SEPTIN2: variants seen among roughly 807,000 people sequenced by gnomAD.
SEPTIN2 encodes septin 2.
In SEPTIN2, 34 loss-of-function variants were observed where a neutral mutation model predicts 46.5. The ratio of observed to expected loss-of-function variants is 0.73; its 90% CI spans 0.56 to 0.97. The LOEUF is 0.97. SEPTIN2 is among the 50% of genes least tolerant of loss of function. The pLI is 0.00. For synonymous variants in SEPTIN2, 175 were observed against 153.4 expected (o/e 1.14, Z -1.04); for missense variants, 347 against 448.4 (o/e 0.77, Z 2.04).
At chr2:241,342,869 G>A (rs1359231165) in intron 7 of SEPTIN2, 123 bp from the exon 8 acceptor site, 10 of 625,122 alleles carry the variant, frequency 1.6e-5, no homozygotes, top group Middle Eastern at 4.3e-4. Flanking sequence ...AGTAACTTTC[G>A]TCATCAGTTT....
intron 7 of SEPTIN2, among the ~76,000 whole-genome samples, chr2:241,338,667 A>G (rs866511814): frequency 4.8e-5 from 6 of 125,276 alleles, no homozygotes; most frequent in African/African-American, 1.5e-4. Context: ...TATTATATCT[A>G]TATTATTTAT....
intron 7 of SEPTIN2, among the ~76,000 whole-genome samples, chr2:241,338,638 A>G (rs1327652954): frequency 7.7e-6 from 1 of 130,648 alleles, no homozygotes; most frequent in Non-Finnish European, 1.6e-5. Flanking sequence ...ATAAATATAT[A>G]TAATATATAT....
chr2:241,342,148 A>G (rs1359986953), intron 7 of SEPTIN2, among the ~76,000 whole-genome samples: 2 of 152,108 alleles, frequency 1.3e-5, no homozygotes, highest in African/African-American at 2.4e-5. Flanking sequence ...TCCTTATCCA[A>G]CTGGATGTCT....
intron 1 of SEPTIN2, chr2:241,316,282 G>C (rs2076224449): frequency 2.4e-6 from 1 of 411,780 alleles, no homozygotes; most frequent in Non-Finnish European, 4.4e-6. Context: ...CACTGTCGTC[G>C]GTGCTGGGCC....
intron 9 of SEPTIN2, among the ~76,000 whole-genome samples, chr2:241,345,548 T>C (rs1473778526): frequency 2.6e-5 from 4 of 152,192 alleles, no homozygotes; most frequent in Admixed American, 1.3e-4. Flanking sequence ...CGTGTTACAA[T>C]GTTTGCTCAT....
At chr2:241,344,231 G>A (rs1454593223) in intron 9 of SEPTIN2, among the ~76,000 whole-genome samples, 3 of 152,076 alleles carry the variant, frequency 2.0e-5, no homozygotes, top group Non-Finnish European at 2.9e-5. Flanking sequence ...CCCAGTGCTG[G>A]TAAGGAAACA....
chr2:241,332,076 G>GATTTAAATGTAAAGCTATAAAATTA (rs1228256040), intron 3 of SEPTIN2, among the ~76,000 whole-genome samples: 1 of 152,162 alleles, frequency 6.6e-6, no homozygotes, highest in Non-Finnish European at 1.5e-5. Flanking sequence ...TGAAATTATA[G>GATTTAAATGTAAAGCTATAAAATTA]TAGATTTAAA....
intron 5 of SEPTIN2, 148 bp downstream of exon 5, chr2:241,336,246 T>C: frequency 1.1e-6 from 1 of 884,382 alleles, no homozygotes; most frequent in Non-Finnish European, 1.7e-6. Flanking sequence ...AATGTTGACT[T>C]TTTAAATAAG....
chr2:241,339,205 C>CCA (rs2080909157), intron 7 of SEPTIN2, among the ~76,000 whole-genome samples: 1 of 150,466 alleles, frequency 6.6e-6, no homozygotes, highest in Admixed American at 6.7e-5. Context: ...ACCAGCCTGG[C>CCA]CAACATGGCA....
chr2:241,316,678 GC>G, intron 1 of SEPTIN2: 1 of 611,628 alleles, frequency 1.6e-6, no homozygotes, highest in Non-Finnish European at 2.6e-6. Flanking sequence ...TGGCCTACTG[GC>G]CCAGACAAAC....
intron 3 of SEPTIN2, among the ~76,000 whole-genome samples, chr2:241,327,780 G>A (rs1259610091): frequency 6.6e-6 from 1 of 152,054 alleles, no homozygotes; most frequent in African/African-American, 2.4e-5. Context: ...GCCTGGTGTG[G>A]TGGCTCATGC....
intron 10 of SEPTIN2, among the ~76,000 whole-genome samples, chr2:241,347,485 C>T (rs2060362984): frequency 6.6e-6 from 1 of 152,146 alleles, no homozygotes; most frequent in Admixed American, 6.5e-5. Flanking sequence ...GCTTGGGGAG[C>T]TTACCCTTTG....
intron 1 of SEPTIN2, 166 bp from the exon 2 acceptor site, chr2:241,324,050 C>T: frequency 1.7e-6 from 1 of 595,102 alleles, no homozygotes; most frequent in Non-Finnish European, 3.0e-6. Flanking sequence ...TAACTTTTCC[C>T]TTTGGCCTAA....
chr2:241,340,425 A>G (rs2081098386), intron 7 of SEPTIN2, among the ~76,000 whole-genome samples: 2 of 152,136 alleles, frequency 1.3e-5, no homozygotes. Flanking sequence ...GCTTTTTTCC[A>G]AAGCAATTTT....
intron 5 of SEPTIN2, 153 bp downstream of exon 5, chr2:241,336,251 A>AATAAGGAAT (rs1276471147): frequency 4.7e-6 from 4 of 843,510 alleles, no homozygotes; most frequent in Non-Finnish European, 5.4e-6. Flanking sequence ...TGACTTTTTA[A>AATAAGGAAT]ATAAGGAATT....
intron 6 of SEPTIN2, 72 bp from the exon 7 acceptor site, chr2:241,337,600 TA>T: frequency 2.5e-6 from 4 of 1,579,652 alleles, no homozygotes; most frequent in Admixed American, 1.8e-5. Context: ...ATATAAGAAT[TA>T]AGATAATTTG....
chr2:241,321,074 A>G (rs1387632582), intron 1 of SEPTIN2, among the ~76,000 whole-genome samples: 2 of 152,144 alleles, frequency 1.3e-5, no homozygotes, highest in Non-Finnish European at 2.9e-5. Flanking sequence ...ATGTTTTTCA[A>G]ATTTTGTTTA....
chr2:241,338,709 TA>T (rs2080537044), intron 7 of SEPTIN2, among the ~76,000 whole-genome samples: 13 of 107,272 alleles, frequency 1.2e-4, no homozygotes, highest in Middle Eastern at 0.01. Flanking sequence ...ATATTTATAT[TA>T]TTTATATAAT....
At chr2:241,348,231 T>G (rs375932921) in intron 11 of SEPTIN2, 40 bp downstream of exon 11, 77 of 1,562,742 alleles carry the variant, frequency 4.9e-5, no homozygotes, top group South Asian at 4.4e-4. Flanking sequence ...GTTGGTTGGT[T>G]GTTTTGTTTG....
Sources: allele counts gnomAD v4.1 joint callset (sites outside exome capture counted in the v4.1 genomes callset), GRCh38; gene constraint gnomAD v4.1.1; transcripts MANE v1.5; gene names NCBI Gene and HGNC (gene_info 2026-07-23, HGNC 2026-07-21).